The following GRM5 variants were observed in gnomAD, a reference collection of about 807,000 sequenced individuals.
GRM5 encodes the protein glutamate metabotropic receptor 5, also known as metabotropic glutamate receptor 5.
Under a neutral mutation model 83.1 loss-of-function variants are expected in GRM5, and 19 were observed. The ratio of observed to expected loss-of-function variants is 0.23; its 90% CI spans 0.16 to 0.34. The LOEUF (loss-of-function observed/expected upper bound fraction) is 0.34. GRM5 is among the 10% of genes least tolerant of loss of function. The pLI is 1.00. For synonymous variants in GRM5, 675 were observed against 633.6 expected, an observed-to-expected ratio of 1.07 and a Z score of -0.98; for missense variants, 1,160 against 1,588.3, an observed-to-expected ratio of 0.73 and a Z score of 4.58.
intron 3 of GRM5, among the ~76,000 whole-genome samples, chr11:88,807,715 C>T (rs749793523): frequency 5.3e-5 from 8 of 151,862 alleles, no homozygotes; most frequent in Non-Finnish European, 1.2e-4. Flanking sequence ...TTTAGTGTTT[C>T]AAAAAACAGA....
chr11:88,620,539 G>A (rs1274322684), intron 4 of GRM5, among the ~76,000 whole-genome samples: 1 of 152,184 alleles, frequency 6.6e-6, no homozygotes, highest in East Asian at 1.9e-4. Flanking sequence ...GCCCAACAGA[G>A]AAATGAATGT....
At chr11:88,725,482 G>A (rs1941655943) in intron 3 of GRM5, among the ~76,000 whole-genome samples, 1 of 152,146 alleles carries the variant, frequency 6.6e-6, no homozygotes, top group Non-Finnish European at 1.5e-5. Flanking sequence ...AATGTTCCTG[G>A]CTGCCAGCTG....
chr11:88,866,105 C>G (rs1319411222), intron 2 of GRM5, among the ~76,000 whole-genome samples: 3 of 151,986 alleles, frequency 2.0e-5, no homozygotes, highest in Non-Finnish European at 4.4e-5. Flanking sequence ...GACACATTCA[C>G]ACATATGTTG....
At chr11:88,509,971 A>G (rs1941320285) in intron 9 of GRM5, among the ~76,000 whole-genome samples, 1 of 152,178 alleles carries the variant, frequency 6.6e-6, no homozygotes, top group South Asian at 2.1e-4. Flanking sequence ...AGAGGAGGGA[A>G]GGGGTAAGAG....
chr11:88,633,468 T>C (rs1939035890), intron 4 of GRM5, among the ~76,000 whole-genome samples: 1 of 152,208 alleles, frequency 6.6e-6, no homozygotes, highest in Admixed American at 6.5e-5. Context: ...TTCTTATAGA[T>C]ATTTTATAGT....
chr11:89,051,207 G>A (rs1941753094), intron 1 of GRM5, among the ~76,000 whole-genome samples: 1 of 151,962 alleles, frequency 6.6e-6, no homozygotes, highest in Non-Finnish European at 1.5e-5. Flanking sequence ...AGTGAGTGGA[G>A]ATTGCGCCAC....
intron 2 of GRM5, among the ~76,000 whole-genome samples, chr11:88,971,895 CAAG>C (rs1939174964): frequency 6.6e-6 from 1 of 152,054 alleles, no homozygotes; most frequent in Non-Finnish European, 1.5e-5. Flanking sequence ...AGGGAAAATA[CAAG>C]ATGATCTGGT....
chr11:88,604,362 G>C (rs1343230751), intron 5 of GRM5, among the ~76,000 whole-genome samples: 1 of 152,150 alleles, frequency 6.6e-6, no homozygotes, highest in African/African-American at 2.4e-5. Flanking sequence ...TTTCAGAATA[G>C]TTCTATTATG....
intron 2 of GRM5, among the ~76,000 whole-genome samples, chr11:88,994,328 T>G (rs528436681): frequency 1.3e-5 from 2 of 151,764 alleles, no homozygotes; most frequent in Non-Finnish European, 1.5e-5. Context: ...ACACATTAAA[T>G]GCAATCCCTA....
chr11:88,821,344 C>CAAAAAAAAAAAAA (rs375051761), intron 3 of GRM5, among the ~76,000 whole-genome samples: 2 of 68,174 alleles, frequency 2.9e-5, no homozygotes, highest in African/African-American at 8.8e-5. Flanking sequence ...CTTGAGGGGC[C>CAAAAAAAAAAAAA]AAAAAAAAAA....
chr11:88,653,115 TAAA>T (rs1939675462), intron 4 of GRM5, 50 bp downstream of exon 4: 1 of 1,129,444 alleles, frequency 8.9e-7, no homozygotes, highest in South Asian at 1.3e-5. Flanking sequence ...ATGGTTTACT[TAAA>T]TTGGAACCTT....
intron 3 of GRM5, among the ~76,000 whole-genome samples, chr11:88,796,611 C>T (rs1238065034): frequency 1.3e-5 from 2 of 151,938 alleles, no homozygotes; most frequent in Non-Finnish European, 2.9e-5. Flanking sequence ...TTTTAAGTGC[C>T]ATGATATTTT....
chr11:88,663,704 A>C (rs900175843), intron 3 of GRM5, among the ~76,000 whole-genome samples: 4 of 152,148 alleles, frequency 2.6e-5, no homozygotes, highest in African/African-American at 7.2e-5. Flanking sequence ...TAGTGCTTAG[A>C]GTTTCCTGTT....
At chr11:88,580,248 A>T (rs116605763) in intron 7 of GRM5, among the ~76,000 whole-genome samples, 1,622 of 152,328 alleles carry the variant, frequency 0.011, 29 homozygotes, top group African/African-American at 0.037. Flanking sequence ...GGAATATTTA[A>T]GTCTGGAGAT....
chr11:88,962,899 G>T (rs1000444294), intron 2 of GRM5, among the ~76,000 whole-genome samples: 8 of 152,136 alleles, frequency 5.3e-5, no homozygotes, highest in African/African-American at 1.7e-4. Flanking sequence ...CACCATCCTG[G>T]CCAACATGGT....
At chr11:88,637,238 G>A (rs2135280447) in intron 4 of GRM5, among the ~76,000 whole-genome samples, 2 of 152,200 alleles carry the variant, frequency 1.3e-5, no homozygotes, top group South Asian at 4.1e-4. Flanking sequence ...CAGGACAAAG[G>A]CATGGGCAAT....
chr11:88,506,648 T>C lies in GRM5; in HGVS notation c.*1944A>G, dbSNP rs1007273343. 1 of 152,204 alleles carries C rather than the reference T, an allele frequency of 6.6e-6. No individual in the cohort carries two copies. Among genetic ancestry groups the C allele is most frequent in the African/African-American group, 2.4e-5 (1 of 41,458 alleles). The allele number at this position is 152,204 out of a possible 1,614,324, so 9.4% of individuals were successfully genotyped here. ...GGTTCGATTTCTTTTAAATTAATACTTTAGTACATTAATGTTAGCTTTTAA... is the reference window on the plus strand; with the variant it reads ...GGTTCGATTTCTTTTAAATTAATACCTTAGTACATTAATGTTAGCTTTTAA... On this transcript the variant is annotated 3_prime_UTR_variant, in exon 10 of 10. Coordinates refer to ENST00000305447, the MANE Select transcript of GRM5 (RefSeq NM_001143831.3).
intron 2 of GRM5, among the ~76,000 whole-genome samples, chr11:88,998,080 A>T (rs1168278524): frequency 6.6e-6 from 1 of 151,570 alleles, no homozygotes; most frequent in Non-Finnish European, 1.5e-5. Context: ...GAAAAATAGT[A>T]AAGAGAGAGA....
At chr11:88,823,379 C>A (rs1943835471) in intron 3 of GRM5, among the ~76,000 whole-genome samples, 1 of 151,746 alleles carries the variant, frequency 6.6e-6, no homozygotes, top group Non-Finnish European at 1.5e-5. Flanking sequence ...ATTATTAGTT[C>A]TTTAACTTTC....
Sources: gnomAD v4.1 joint callset for allele counts (sites outside exome capture counted in the v4.1 genomes callset) on GRCh38, gnomAD v4.1.1 for gene constraint, MANE v1.5 for transcripts, NCBI Gene and HGNC (gene_info 2026-07-23, HGNC 2026-07-21) for gene names.